PTPRC: variants seen among roughly 807,000 people sequenced by gnomAD.
The protein encoded by PTPRC is receptor-type tyrosine-protein phosphatase C.
In PTPRC, 44 loss-of-function variants were observed where a neutral mutation model predicts 155.9. The observed-to-expected ratio is 0.28, with a 90% CI of 0.22 to 0.36. The LOEUF (loss-of-function observed/expected upper bound fraction) is 0.36. Among genes scored for constraint, PTPRC ranks in the 10% least tolerant of loss-of-function variants. The pLI, the probability that PTPRC is intolerant of heterozygous loss-of-function variation, is 1.00. For missense variants in PTPRC, 1,401 were observed against 1,564.6 expected (o/e 0.90, Z 1.76); for synonymous variants, 525 against 533.1 (o/e 0.98, Z 0.21).
rs1341650958 is a variant in PTPRC, at chr1:198,709,846, A to G, written c.1171+22A>G. ...GGGAGTGAGTATGTTACTTGCATTTATATGTAAAATTGCTTCTCTCTTCAT... is the reference window on the plus strand; with the variant it reads ...GGGAGTGAGTATGTTACTTGCATTTGTATGTAAAATTGCTTCTCTCTTCAT... On this transcript the variant is annotated intron_variant, in intron 11 of 32. Coordinates refer to ENST00000442510, the MANE Select transcript of PTPRC (RefSeq NM_002838.5). 2.5e-6 allele frequency: 4 copies of G among 1,607,266 alleles called. No individual in the cohort carries two copies. Among genetic ancestry groups the G allele is most frequent in the African/African-American group, 1.3e-5 (1 of 74,904 alleles).
At position 198,749,241 on chromosome 1, in the gene PTPRC, G is replaced by A. The variant is rs1655272200; in HGVS notation, c.2939-175G>A. ...GAATCCTTTTTCTTAGACTTTTGTT[G>A]TATAATTTGTTTATCGACAAGTACT... is the stretch of plus-strand genomic sequence containing the variant. On this transcript the variant is annotated intron_variant, in intron 27 of 32. Coordinates refer to ENST00000442510, the MANE Select transcript of PTPRC (RefSeq NM_002838.5). 2.0e-5 allele frequency among the ~76,000 whole-genome samples: 3 copies of A among 151,522 alleles called. No individual in the cohort carries two copies. The South Asian group carries it at 6.2e-4, about 31-fold the overall frequency.
At chr1:198,740,569 G>A (rs1654852525) in intron 23 of PTPRC, among the ~76,000 whole-genome samples, 1 of 145,014 alleles carries the variant, frequency 6.9e-6, no homozygotes, top group South Asian at 2.1e-4. Context: ...GCTTTGCAGT[G>A]AGACTTTATC....
At chr1:198,648,703 TA>T (rs1663069197) in intron 2 of PTPRC, among the ~76,000 whole-genome samples, 1 of 151,754 alleles carries the variant, frequency 6.6e-6, no homozygotes, top group Admixed American at 6.6e-5. Flanking sequence ...ATGACTTTTA[TA>T]AAAAACAAAA....
intron 2 of PTPRC, among the ~76,000 whole-genome samples, chr1:198,655,179 A>G (rs1410106416): frequency 1.3e-5 from 2 of 151,570 alleles, no homozygotes; most frequent in African/African-American, 2.4e-5. Flanking sequence ...GGTTTTTTTT[A>G]ATTAGCTGAC....
chr1:198,722,040 C>T (rs1467543835), intron 14 of PTPRC, among the ~76,000 whole-genome samples: 2 of 151,140 alleles, frequency 1.3e-5, no homozygotes, highest in Admixed American at 1.3e-4. Context: ...TTCTAGTAAA[C>T]AGCTTATGGT....
intron 8 of PTPRC, among the ~76,000 whole-genome samples, 156 bp downstream of exon 8, chr1:198,704,654 A>T (rs1334925250): frequency 1.3e-5 from 2 of 152,202 alleles, no homozygotes; most frequent in East Asian, 3.8e-4. Context: ...AAAAATTACT[A>T]GCTACACATG....
chr1:198,642,920 C>G (rs1274295843), intron 2 of PTPRC, among the ~76,000 whole-genome samples: 1 of 145,160 alleles, frequency 6.9e-6, no homozygotes, highest in South Asian at 2.2e-4. Context: ...TTCTTTCTTT[C>G]TTTCTTTCTT....
chr1:198,716,603 T>C (rs1292876359), intron 12 of PTPRC, 79 bp from the exon 13 acceptor site: 22 of 1,265,692 alleles, frequency 1.7e-5, no homozygotes, highest in Non-Finnish European at 2.4e-5. Flanking sequence ...AACAATGTGA[T>C]GTAGAGACCA....
intron 13 of PTPRC, among the ~76,000 whole-genome samples, chr1:198,717,176 T>A (rs1653634625): frequency 6.6e-6 from 1 of 152,240 alleles, no homozygotes. Context: ...AAATATTAAT[T>A]GTAATCAGAA....
intron 2 of PTPRC, among the ~76,000 whole-genome samples, 183 bp from the exon 3 acceptor site, chr1:198,692,164 G>A (rs771453904): frequency 6.6e-6 from 1 of 151,918 alleles, no homozygotes; most frequent in Non-Finnish European, 1.5e-5. Context: ...TGATATATTT[G>A]GGCTTTGTAA....
chr1:198,720,079 C>T (rs1653814429), intron 14 of PTPRC, among the ~76,000 whole-genome samples: 1 of 151,888 alleles, frequency 6.6e-6, no homozygotes, highest in African/African-American at 2.4e-5. Flanking sequence ...AAACCATTGT[C>T]ACATTCTAAG....
At chr1:198,731,536 A>G in intron 17 of PTPRC, 81 bp from the exon 18 acceptor site, 6 of 1,005,672 alleles carry the variant, frequency 6.0e-6, no homozygotes, top group South Asian at 3.9e-5. Flanking sequence ...AGGATTGAGT[A>G]CACGGTGTAA....
chr1:198,697,620 A>G (rs1484900872), intron 4 of PTPRC, among the ~76,000 whole-genome samples: 3 of 152,232 alleles, frequency 2.0e-5, no homozygotes, highest in Non-Finnish European at 4.4e-5. Flanking sequence ...CAGTGTATTC[A>G]GACTCAGATT....
In PTPRC at chr1:198,696,647, G is replaced by A. The variant is rs1571844425; in HGVS notation, c.101-65G>A. ...CTGGGGAGTTAGTATACTGGGAGGA[G>A]CATACATTTAGGGTATGATTCACAT... is the stretch of plus-strand genomic sequence containing the variant. On this transcript the variant is annotated intron_variant, in intron 3 of 32. Transcript: ENST00000442510. 12 of 1,335,528 alleles carry A rather than the reference G, an allele frequency of 9.0e-6. No individual in the cohort carries two copies. In the South Asian group the frequency reaches 1.4e-4, roughly 16 times the overall value. 82.7% of individuals were successfully genotyped at this position (1,335,528 alleles called of 1,614,324 possible).
intron 15 of PTPRC, among the ~76,000 whole-genome samples, chr1:198,725,013 G>T (rs1654066656): frequency 6.6e-6 from 1 of 152,046 alleles, no homozygotes; most frequent in African/African-American, 2.4e-5. Context: ...TGTTGGTTAG[G>T]CTAGTCTTGA....
chr1:198,752,631 C>T lies in PTPRC; in HGVS notation c.3368C>T (p.Thr1123Ile). The T allele has an allele frequency of 1.2e-6, 2 of 1,612,706 alleles. No homozygotes were observed. Among genetic ancestry groups the T allele is most frequent in the Non-Finnish European group, 1.7e-6 (2 of 1,179,268 alleles). The change falls in exon 31 of 33, where the codon ACA becomes ATA. Residue 1123 changes from threonine to isoleucine, a missense_variant. Around this residue, in one of 3 missense-constraint regions of PTPRC, gnomAD observed 400 missense variants for 389.5 expected, o/e 1.03. Coordinates refer to ENST00000442510, the MANE Select transcript of PTPRC (RefSeq NM_002838.5). ...DSRTVYQYQY[T>I]NWSVEQLPAE... Reference sequence around the variant, plus strand: ...CGAACTGTGTACCAGTACCAATATACAAACTGGAGTGTGGAGCAGCTTCCT... The same window carrying T: ...CGAACTGTGTACCAGTACCAATATATAAACTGGAGTGTGGAGCAGCTTCCT...
At chr1:198,717,992 A>AGT (rs1653677754) in intron 13 of PTPRC, 102 bp from the exon 14 acceptor site, 1 of 987,090 alleles carries the variant, frequency 1.0e-6, no homozygotes, top group South Asian at 1.4e-5. Context: ...ATAACCCCCA[A>AGT]GCTAACACTT....
rs757009942 is a variant in PTPRC, at chr1:198,748,213, T to C, written c.2938+14T>C. On this transcript the variant is annotated intron_variant, in intron 27 of 32. Transcript: ENST00000442510. ...ATGTCATCCCATGTATGTAGTTTAT[T>C]TTTTTATTTTTTGTATCAGATAAAG... 1.0e-5 allele frequency: 16 copies of C among 1,593,808 alleles called. No individual in the cohort carries two copies. The highest frequency in any genetic ancestry group is 1.4e-5 in the Non-Finnish European group (16 of 1,171,132).
chr1:198,653,418 G>A (rs1663366164), intron 2 of PTPRC, among the ~76,000 whole-genome samples: 1 of 151,600 alleles, frequency 6.6e-6, no homozygotes, highest in Admixed American at 6.6e-5. Context: ...TTCACTTTAA[G>A]AATTGGAATA....
Sources: gnomAD v4.1 joint callset for allele counts (sites outside exome capture counted in the v4.1 genomes callset) on GRCh38, gnomAD v4.1.1 for gene constraint, gnomAD v4.1.1 regional missense constraint, MANE v1.5 for transcripts, NCBI Gene and HGNC (gene_info 2026-07-23, HGNC 2026-07-21) for gene names.